Variants in MTUS1 observed in about 807,000 individuals in gnomAD.
The protein encoded by MTUS1 is microtubule-associated tumor suppressor 1.
Under a neutral mutation model 120.8 loss-of-function variants are expected in MTUS1, and 109 were observed. The observed-to-expected ratio is 0.90, with a 90% confidence interval of 0.77 to 1.06. MTUS1 has a LOEUF of 1.06. MTUS1 is among the 50% of genes least tolerant of loss of function. The pLI, the probability that MTUS1 is intolerant of heterozygous loss-of-function variation, is 0.00. For missense variants in MTUS1, 2,210 were observed against 1,486.3 expected (o/e 1.49, Z -8.01); for synonymous variants, 737 against 550.5 (o/e 1.34, Z -4.74).
chr8:17,648,324 A>G (rs1411703304), intron 13 of MTUS1, among the ~76,000 whole-genome samples: 4 of 152,244 alleles, frequency 2.6e-5, no homozygotes, highest in African/African-American at 9.6e-5. Context: ...GAAGGATATT[A>G]TCAGGATACC....
At position 17,654,581 on chromosome 8, in the gene MTUS1, G is replaced by T; in HGVS notation, c.3194C>A (p.Ala1065Asp). Residue 1065 changes from alanine to aspartate, a missense_variant, in exon 10 of 15, where the codon GCC (alanine) becomes GAC (aspartate). Physicochemically the swap from Ala to Asp is moderately radical, Grantham distance 126. Transcript: ENST00000693296. ...CTTGCCTGAAAGGGAGGCTTCATAG[G>T]CCTTCTTTAGCAATTCAAGTTTCTC... ...HSEKLELLKK[A>D]YEASLSEIKK... 6.2e-7 allele frequency: 1 copy of T among 1,612,068 alleles called. No homozygotes were observed.
In MTUS1 at chr8:17,753,899, T is replaced by C. The variant is rs1173558924; in HGVS notation, c.1909A>G (p.Ile637Val). 6.2e-7 allele frequency: 1 copy of C among 1,614,166 alleles called. No homozygotes were observed. Among genetic ancestry groups the C allele is most frequent in the Non-Finnish European group, 8.5e-7 (1 of 1,180,018 alleles). The change falls in exon 2 of 15, where the codon ATC becomes GTC. Residue 637 changes from isoleucine (I) to valine (V), a missense_variant. Coordinates refer to ENST00000693296, the MANE Select transcript of MTUS1 (RefSeq NM_001363059.2). ...TGSVSALFQK[I>V]KGILPVKMES... is the part of the protein sequence containing the mutation. ...ATTTTAACAGGGAGTATGCCTTTGA[T>C]CTTCTGAAACAACGCAGAAACGGAC...
chr8:17,782,921 T>C lies in MTUS1; in HGVS notation c.-155+18140A>G, dbSNP rs1471438598. ...GGTGAAACCCCACCTTTACTAAAAA[T>C]ACAAAAATTAGCCGGGTGTGGTAGT... On this transcript the variant is annotated intron_variant, in intron 1 of 14. Transcript: ENST00000693296. Among the ~76,000 whole-genome samples, 3 of 151,994 alleles carry C rather than the reference T, an allele frequency of 2.0e-5. No homozygotes were observed. In the East Asian group the frequency reaches 5.8e-4, roughly 29 times the overall value.
chr8:17,759,042 C>T (rs945350670), intron 1 of MTUS1, among the ~76,000 whole-genome samples: 19 of 152,044 alleles, frequency 1.2e-4, no homozygotes, highest in East Asian at 7.8e-4. Context: ...CCACCATGCC[C>T]GGCTCATTTT....
At chr8:17,747,658 G>A (rs1221914726) in intron 2 of MTUS1, among the ~76,000 whole-genome samples, 1 of 152,096 alleles carries the variant, frequency 6.6e-6, no homozygotes, top group African/African-American at 2.4e-5. Context: ...AACTACCTAT[G>A]GCCTGCCTTG....
chr8:17,676,159 C>A (rs969926709), intron 7 of MTUS1: 3 of 675,172 alleles, frequency 4.4e-6, no homozygotes, highest in African/African-American at 1.8e-5. Context: ...ATCATGAGAC[C>A]CGGCCTTTGC....
At chr8:17,648,963 A>G (rs7844652) in intron 13 of MTUS1, among the ~76,000 whole-genome samples, 9,494 of 152,298 alleles carry the variant, frequency 0.062, 640 homozygotes, top group African/African-American at 0.15. Context: ...CCGGGCCAAG[A>G]CTGACGCTGA....
At position 17,753,859 on chromosome 8, in the gene MTUS1, C is replaced by G; in HGVS notation, c.1949G>C (p.Cys650Ser). 1 of 1,614,162 alleles carries G rather than the reference C, an allele frequency of 6.2e-7. No homozygotes were observed. Among genetic ancestry groups the G allele is most frequent in the Non-Finnish European group, 8.5e-7 (1 of 1,180,022 alleles). The change falls in exon 2 of 15, where the codon TGT becomes TCT. Residue 650 changes from cysteine (C) to serine (S), a missense_variant. By Grantham distance (112) the Cys-to-Ser change is moderately radical. Transcript: ENST00000693296. Reference protein sequence around the residue: ...ILPVKMESAECLEMTYVPNID... With the variant: ...ILPVKMESAESLEMTYVPNID... ...GTTGGGAACATAGGTCATTTCCAAA[C>G]ATTCTGCACTTTCCATTTTAACAGG...
intron 3 of MTUS1, among the ~76,000 whole-genome samples, chr8:17,729,078 A>AT (rs777202248): frequency 2.5e-4 from 38 of 152,178 alleles, no homozygotes; most frequent in African/African-American, 8.4e-4. Flanking sequence ...GAGAATATGT[A>AT]TTTTTTTTCC....
chr8:17,675,018 G>C, intron 8 of MTUS1, 168 bp downstream of exon 8: 1 of 1,419,648 alleles, frequency 7.0e-7, no homozygotes, highest in Non-Finnish European at 9.2e-7. Flanking sequence ...AGGTCAAGCT[G>C]CCAAGATTCA....
chr8:17,681,241 T>C (rs1438961799), intron 7 of MTUS1, among the ~76,000 whole-genome samples: 2 of 152,094 alleles, frequency 1.3e-5, no homozygotes, highest in Admixed American at 1.3e-4. Context: ...GCCTGCATTT[T>C]TCTTCCTTCA....
At chr8:17,667,779 G>C (rs1002695330) in intron 8 of MTUS1, among the ~76,000 whole-genome samples, 1 of 152,166 alleles carries the variant, frequency 6.6e-6, no homozygotes, top group Admixed American at 6.5e-5. Flanking sequence ...TTGCTTTCCA[G>C]CTTCCCTTGG....
chr8:17,674,624 G>A (rs1212054960), intron 8 of MTUS1: 10 of 986,432 alleles, frequency 1.0e-5, no homozygotes, highest in African/African-American at 8.7e-5. Flanking sequence ...TAAACTGCAG[G>A]GCTGGGTGGT....
chr8:17,733,813 C>T (rs1313343437), intron 3 of MTUS1, among the ~76,000 whole-genome samples: 1 of 152,206 alleles, frequency 6.6e-6, no homozygotes, highest in Admixed American at 6.5e-5. Flanking sequence ...CTCCTCTTCT[C>T]ATTCTACCTT....
Position 17,675,199 on chromosome 8 carries a change from G to A in MTUS1, c.2892C>T (p.Leu964=). The A allele has an allele frequency of 3.1e-6, 5 of 1,614,120 alleles. No homozygotes were observed. The highest frequency in any genetic ancestry group is 4.2e-6 in the Non-Finnish European group (5 of 1,180,006). Residue 964 remains leucine (L), a synonymous_variant, in exon 8 of 15, where the codon CTC becomes CTT. Transcript: ENST00000693296. ...AAAAGCTCTTACCTAGCTCTCCCCG[G>A]AGGTTAACAAGTTCTTGAGATAGGG... The part of the protein sequence containing the change: ...HKTLSQELVN[L]RGELVTASTT...
intron 7 of MTUS1, among the ~76,000 whole-genome samples, chr8:17,682,925 C>T (rs112766804): frequency 2.1e-5 from 1 of 47,712 alleles, no homozygotes; most frequent in East Asian, 8.1e-4. Flanking sequence ...TCAAAAAAAA[C>T]AAAAACAAAA....
chr8:17,772,961 G>C (rs1186191425), intron 1 of MTUS1, among the ~76,000 whole-genome samples: 4 of 152,154 alleles, frequency 2.6e-5, no homozygotes, highest in African/African-American at 9.7e-5. Context: ...AACTCCCAAA[G>C]ATACGTTCAG....
chr8:17,752,701 T>C (rs940390877), intron 2 of MTUS1, among the ~76,000 whole-genome samples: 5 of 152,190 alleles, frequency 3.3e-5, no homozygotes, highest in Admixed American at 6.5e-5. Flanking sequence ...ATGTGCTTCA[T>C]TCCTCTTGCC....
intron 8 of MTUS1, chr8:17,674,321 G>T (rs917871941): frequency 4.1e-6 from 1 of 245,726 alleles, no homozygotes; most frequent in Non-Finnish European, 6.5e-6. Context: ...TCGGAAGGCT[G>T]AGGCAGGAGA....
Sources: gnomAD v4.1 joint callset for allele counts (sites outside exome capture counted in the v4.1 genomes callset) on GRCh38, gnomAD v4.1.1 for gene constraint, MANE v1.5 for transcripts, NCBI Gene and HGNC (gene_info 2026-07-23, HGNC 2026-07-21) for gene names.